Variants in NELL2 observed in about 807,000 individuals in gnomAD.
NELL2 encodes the protein protein kinase C-binding protein NELL2.
In NELL2, 41 loss-of-function variants were observed where a neutral mutation model predicts 109.6. That is an observed-to-expected ratio of 0.37 (90% CI 0.29 to 0.49). The LOEUF (loss-of-function observed/expected upper bound fraction) is 0.49. Ranked by LOEUF, NELL2 falls within the 20% of genes least tolerant of loss-of-function variation. The probability of loss-of-function intolerance (pLI) is 0.98; values close to 1 mark genes in which losing one functional copy is unlikely to be tolerated. For synonymous variants in NELL2, 355 were observed against 344.7 expected, an observed-to-expected ratio of 1.03 and a Z score of -0.33; for missense variants, 900 against 1,008.3, an observed-to-expected ratio of 0.89 and a Z score of 1.45.
intron 9 of NELL2, among the ~76,000 whole-genome samples, chr12:44,743,051 G>C (rs150476309): frequency 0.02 from 3,061 of 152,262 alleles, 101 homozygotes; most frequent in African/African-American, 0.069. Flanking sequence ...CAGCCAGAGA[G>C]AAAGGTTGGG....
chr12:44,777,206 A>G, intron 6 of NELL2, 36 bp downstream of exon 6: 1 of 1,607,730 alleles, frequency 6.2e-7, no homozygotes, highest in Admixed American at 1.7e-5. Context: ...CAAGTAATAT[A>G]TGGGGACTCC....
At chr12:44,600,521 T>C (rs1167043942) in intron 15 of NELL2, among the ~76,000 whole-genome samples, 4 of 152,220 alleles carry the variant, frequency 2.6e-5, no homozygotes, top group African/African-American at 4.8e-5. Context: ...ATACTTCTGA[T>C]CAATAGACGT....
chr12:44,804,721 T>G (rs970050257), intron 3 of NELL2, among the ~76,000 whole-genome samples: 2 of 151,870 alleles, frequency 1.3e-5, no homozygotes, highest in African/African-American at 2.4e-5. Context: ...GAATTAAAAT[T>G]TATTACAACA....
In NELL2 at chr12:44,905,861, CA is replaced by C. The variant is rs557307414; in HGVS notation, c.38+7937del. 6.2e-3 allele frequency among the ~76,000 whole-genome samples: 949 copies of C among 152,062 alleles called. 11 individuals are homozygous for C. The highest frequency in any genetic ancestry group is 0.021 in the African/African-American group (879 of 41,484). On this transcript the variant is annotated intron_variant, in intron 1 of 20. Coordinates refer to the NELL2 transcript ENST00000333837. The stretch of plus-strand genomic sequence containing the variant: ...TGTTTAATGAAGGCCTACTATGCAA[CA>C]GACACTATTAATATATTAATGAAAA...
chr12:44,627,170 A>C lies in NELL2; in HGVS notation c.1445-16200T>G, dbSNP rs569669693. Among the ~76,000 whole-genome samples, 3 of 152,298 alleles carry C rather than the reference A, an allele frequency of 2.0e-5. No homozygotes were observed. In the South Asian group the frequency reaches 6.2e-4, roughly 32 times the overall value. On this transcript the variant is annotated intron_variant, in intron 13 of 19. Coordinates refer to ENST00000429094, the MANE Select transcript of NELL2 (RefSeq NM_001145108.2). ...AATGCTTTATGAAATTCAGAACTGC[A>C]TTTCTTGTCAATCCAACCCAAATCC...
intron 9 of NELL2, among the ~76,000 whole-genome samples, chr12:44,767,500 G>C (rs1345864500): frequency 1.3e-5 from 2 of 151,626 alleles, no homozygotes; most frequent in African/African-American, 4.9e-5. Flanking sequence ...CATAGTCTTT[G>C]ACCCAGCAAC....
intron 1 of NELL2, among the ~76,000 whole-genome samples, chr12:44,893,329 G>C (rs1945557239): frequency 1.5e-5 from 2 of 137,310 alleles, no homozygotes; most frequent in Non-Finnish European, 3.2e-5. Flanking sequence ...CAGATATAAA[G>C]TTAATACATC....
At chr12:44,575,822 A>G (rs1436837761) in intron 15 of NELL2, among the ~76,000 whole-genome samples, 2 of 152,136 alleles carry the variant, frequency 1.3e-5, no homozygotes, top group Non-Finnish European at 1.5e-5. Flanking sequence ...CTCTTCCAAT[A>G]TCTTCTCCAC....
intron 9 of NELL2, among the ~76,000 whole-genome samples, chr12:44,741,660 C>T (rs770973338): frequency 4.6e-5 from 7 of 152,234 alleles, no homozygotes; most frequent in East Asian, 1.9e-4. Flanking sequence ...GATTATATCC[C>T]GCATCTGGCT....
chr12:44,651,617 T>G (rs1947301349), intron 13 of NELL2, among the ~76,000 whole-genome samples: 1 of 152,198 alleles, frequency 6.6e-6, no homozygotes, highest in African/African-American at 2.4e-5. Context: ...CAGTGTGACT[T>G]GTGAATCTAT....
At chr12:44,710,174 G>A (rs1369689324) in intron 11 of NELL2, among the ~76,000 whole-genome samples, 2 of 152,132 alleles carry the variant, frequency 1.3e-5, no homozygotes, top group African/African-American at 2.4e-5. Context: ...GGGAGTGGGT[G>A]ATCTAGGATC....
At chr12:44,769,701 G>A (rs1447060050) in intron 9 of NELL2, among the ~76,000 whole-genome samples, 1 of 152,004 alleles carries the variant, frequency 6.6e-6, no homozygotes, top group African/African-American at 2.4e-5. Context: ...GCCCAAATCG[G>A]CAAACTACCT....
chr12:44,652,219 A>G (rs1057274413), intron 13 of NELL2, among the ~76,000 whole-genome samples: 5 of 152,292 alleles, frequency 3.3e-5, no homozygotes, highest in African/African-American at 1.2e-4. Flanking sequence ...GTAAATCTAC[A>G]TTTTTTATAG....
At chr12:44,814,621 C>T (rs563568293) in intron 3 of NELL2, among the ~76,000 whole-genome samples, 1 of 152,252 alleles carries the variant, frequency 6.6e-6, no homozygotes, top group East Asian at 1.9e-4. Context: ...TGGCACCCTC[C>T]CCTCAAAAAC....
chr12:44,780,183 A>G (rs1253727414), intron 3 of NELL2, among the ~76,000 whole-genome samples, 161 bp from the exon 4 acceptor site: 1 of 152,166 alleles, frequency 6.6e-6, no homozygotes. Context: ...TCTAGAAGAT[A>G]GAGAAAAAAA....
chr12:44,781,458 G>A (rs1005433714), intron 3 of NELL2, among the ~76,000 whole-genome samples: 3 of 151,944 alleles, frequency 2.0e-5, no homozygotes, highest in East Asian at 1.9e-4. Flanking sequence ...GAAAGGAGGC[G>A]AGCTTAAAAA....
intron 15 of NELL2, among the ~76,000 whole-genome samples, chr12:44,554,491 G>A (rs12815663): frequency 0.33 from 49,638 of 151,950 alleles, 9,831 homozygotes; most frequent in East Asian, 0.63. Context: ...GGGATACCAT[G>A]AAAATTTTGG....
At chr12:44,732,276 A>G (rs114691934) in intron 9 of NELL2, among the ~76,000 whole-genome samples, 4,021 of 152,108 alleles carry the variant, frequency 0.026, 175 homozygotes, top group African/African-American at 0.091. Context: ...ATCTTGAGAA[A>G]TAACAAAGCT....
At chr12:44,776,752 A>C (rs994726127) in intron 7 of NELL2, among the ~76,000 whole-genome samples, 1 of 152,154 alleles carries the variant, frequency 6.6e-6, no homozygotes, top group Non-Finnish European at 1.5e-5. Flanking sequence ...GTAATGAAAA[A>C]CTGAATAAAA....
Sources: gnomAD v4.1 joint callset for allele counts (sites outside exome capture counted in the v4.1 genomes callset) on GRCh38, gnomAD v4.1.1 for gene constraint, MANE v1.5 for transcripts, NCBI Gene and HGNC (gene_info 2026-07-23, HGNC 2026-07-21) for gene names.